Variants in SENP6 observed in about 807,000 individuals in gnomAD.
The protein encoded by SENP6 is SUMO specific peptidase 6.
Under a neutral mutation model 134.5 loss-of-function variants are expected in SENP6, and 41 were observed. That is an observed-to-expected ratio of 0.30 (90% confidence interval 0.24 to 0.40). The LOEUF is 0.40. Ranked by LOEUF, SENP6 falls within the 10% of genes least tolerant of loss-of-function variation. SENP6 has a pLI of 1.00. For missense variants in SENP6, 1,248 were observed against 1,312.5 expected, an observed-to-expected ratio of 0.95 and a Z score of 0.76; for synonymous variants, 395 against 429.8, an observed-to-expected ratio of 0.92 and a Z score of 1.00.
intron 1 of SENP6, among the ~76,000 whole-genome samples, chr6:75,614,245 A>G (rs1014140554): frequency 1.3e-5 from 2 of 151,082 alleles, no homozygotes; most frequent in Admixed American, 6.6e-5. Context: ...AGATTTTTCC[A>G]CAGAAAGTTA....
In SENP6 at chr6:75,715,516, A is replaced by G. The variant is rs1460875354; in HGVS notation, c.3261A>G (p.Arg1087=). ...KLQEDQSKEK[R]KHKDTYSTEA... ...AGGAAGATCAGAGCAAAGAGAAAAGAAAGCATAAGGACACTTACTCAACAG... is the reference window on the plus strand; with the variant it reads ...AGGAAGATCAGAGCAAAGAGAAAAGGAAGCATAAGGACACTTACTCAACAG... Residue 1087 remains arginine, a synonymous_variant, in exon 24 of 24, where the codon AGA becomes AGG. Coordinates refer to ENST00000447266, the MANE Select transcript of SENP6 (RefSeq NM_015571.4). The G allele has an allele frequency of 1.2e-6, 2 of 1,613,582 alleles. No individual in the cohort carries two copies. The highest frequency in any genetic ancestry group is 1.7e-6 in the Non-Finnish European group (2 of 1,179,596).
chr6:75,629,075 AT>A (rs1453283735), intron 3 of SENP6, among the ~76,000 whole-genome samples: 1 of 152,190 alleles, frequency 6.6e-6, no homozygotes, highest in Non-Finnish European at 1.5e-5. Flanking sequence ...GTAATCAAAC[AT>A]TTAAAAATTA....
intron 18 of SENP6, among the ~76,000 whole-genome samples, chr6:75,698,985 T>G (rs1421378619): frequency 2.1e-5 from 3 of 143,586 alleles, no homozygotes; most frequent in Non-Finnish European, 3.0e-5. Flanking sequence ...CACTCCAGCC[T>G]GGGCAGCAGA....
intron 9 of SENP6, among the ~76,000 whole-genome samples, chr6:75,666,187 T>G (rs1393372122): frequency 6.8e-6 from 1 of 146,078 alleles, no homozygotes; most frequent in Non-Finnish European, 1.5e-5. Context: ...ATATATGATA[T>G]ATATAAAACG....
rs755531015 is a variant in SENP6, at chr6:75,602,557, G to T, written c.33G>T (p.Gly11=). 16 of 1,551,482 alleles carry T rather than the reference G, an allele frequency of 1.0e-5. No homozygotes were observed. Among genetic ancestry groups the T allele is most frequent in the Non-Finnish European group, 5.2e-6 (6 of 1,146,946 alleles). MAAGKSGGSA[G]EITFLEALAR... The stretch of plus-strand genomic sequence containing the variant: ...CCGGCAAGAGCGGCGGTAGCGCAGG[G>T]GAGATTACTTTTCTGGAAGGTACGT... Residue 11 remains glycine, a synonymous_variant, in exon 1 of 24, where the codon GGG becomes GGT. Transcript: ENST00000447266.
intron 7 of SENP6, among the ~76,000 whole-genome samples, chr6:75,651,765 T>C (rs1304754548): frequency 1.3e-5 from 2 of 152,252 alleles, no homozygotes; most frequent in South Asian, 4.1e-4. Flanking sequence ...ATATTCATAC[T>C]GTATGTACTG....
intron 16 of SENP6, among the ~76,000 whole-genome samples, chr6:75,680,866 T>C (rs1773414046): frequency 2.0e-5 from 3 of 152,164 alleles, no homozygotes. Context: ...AACACCCTAC[T>C]ACCCACTGGA....
chr6:75,651,253 A>G (rs182373416), intron 7 of SENP6, among the ~76,000 whole-genome samples: 48 of 152,136 alleles, frequency 3.2e-4, no homozygotes, highest in African/African-American at 1.0e-3. Flanking sequence ...ACAGACATAT[A>G]TTGTCCCTGA....
At chr6:75,687,160 T>C (rs1773902122) in intron 16 of SENP6, among the ~76,000 whole-genome samples, 1 of 152,232 alleles carries the variant, frequency 6.6e-6, no homozygotes, top group Non-Finnish European at 1.5e-5. Context: ...CTTCAATCAC[T>C]GATACTCTTT....
In SENP6 at chr6:75,614,785, A is replaced by G. The variant is rs562179378; in HGVS notation, c.53-6747A>G. Reference sequence around the variant, plus strand: ...TATGTACTTGAATAGACTTGCTGATAGCTTATTGCTGGGGAGAAATTAGAT... The same window carrying G: ...TATGTACTTGAATAGACTTGCTGATGGCTTATTGCTGGGGAGAAATTAGAT... On this transcript the variant is annotated intron_variant, in intron 1 of 23. Coordinates refer to ENST00000447266, the MANE Select transcript of SENP6 (RefSeq NM_015571.4). Among the ~76,000 whole-genome samples the G allele has an allele frequency of 2.6e-5, 4 of 152,274 alleles. No homozygotes were observed. The South Asian group carries it at 6.2e-4, about 24-fold the overall frequency.
chr6:75,689,252 T>G (rs1049870417), intron 16 of SENP6, among the ~76,000 whole-genome samples: 1 of 152,052 alleles, frequency 6.6e-6, no homozygotes, highest in Non-Finnish European at 1.5e-5. Flanking sequence ...AAATAAAATC[T>G]TTATAGATAA....
intron 18 of SENP6, among the ~76,000 whole-genome samples, chr6:75,701,605 C>G (rs1775032164): frequency 6.8e-6 from 1 of 146,288 alleles, no homozygotes; most frequent in African/African-American, 2.5e-5. Context: ...ATCATATGAC[C>G]TAATTAGACT....
At chr6:75,663,935 T>C (rs1339917455) in intron 9 of SENP6, among the ~76,000 whole-genome samples, 2 of 152,062 alleles carry the variant, frequency 1.3e-5, no homozygotes, top group African/African-American at 4.8e-5. Context: ...TTTACTCTTA[T>C]GTGTATGTGT....
intron 16 of SENP6, among the ~76,000 whole-genome samples, chr6:75,686,415 T>C (rs1773845136): frequency 6.6e-6 from 1 of 152,236 alleles, no homozygotes; most frequent in Non-Finnish European, 1.5e-5. Context: ...AACATTGTTA[T>C]GTGTGAATTT....
In SENP6 at chr6:75,699,224, C is replaced by A. The variant is rs200039328; in HGVS notation, c.2288+1707C>A. 0.01 allele frequency among the ~76,000 whole-genome samples: 1,587 copies of A among 152,046 alleles called. 53 individuals are homozygous for A. The East Asian group carries it at 0.14, about 13-fold the overall frequency. ...CGCATCCCTCTTAGTCACTATACCT[C>A]TGCATGGAAGTTATTATCAGTGCTT... is the stretch of plus-strand genomic sequence containing the variant. On this transcript the variant is annotated intron_variant, in intron 18 of 23. Transcript: ENST00000447266.
intron 7 of SENP6, among the ~76,000 whole-genome samples, chr6:75,652,681 C>G (rs1171805706): frequency 1.6e-4 from 1 of 6,252 alleles, no homozygotes; most frequent in Non-Finnish European, 3.5e-4. Flanking sequence ...TACTAAAAAT[C>G]TCAAAAAAAA....
In SENP6 at chr6:75,624,002, CA is replaced by C. The variant is rs750860852; in HGVS notation, c.207+49del. ...ATATTTTCTTCTTTTACATTATATA[CA>C]AAAAAATTGTTACCTCAAAAGATTT... On this transcript the variant is annotated intron_variant, in intron 3 of 23. Coordinates refer to ENST00000447266, the MANE Select transcript of SENP6 (RefSeq NM_015571.4). 1.5e-5 allele frequency: 22 copies of C among 1,477,880 alleles called. No homozygotes were observed. In the East Asian group the frequency reaches 3.4e-4, roughly 23 times the overall value. The allele number at this position is 1,477,880 out of a possible 1,614,324, so 91.5% of individuals were successfully genotyped here. A position where few individuals can be genotyped will look rare whatever the true frequency, so the allele number is the denominator to read the frequency against.
At chr6:75,677,350 A>G in intron 14 of SENP6, 94 bp downstream of exon 14, 1 of 849,482 alleles carries the variant, frequency 1.2e-6, no homozygotes, top group South Asian at 2.3e-5. Context: ...TTCAGTGTTA[A>G]ATCTTTTTAA....
intron 3 of SENP6, among the ~76,000 whole-genome samples, chr6:75,624,521 C>T (rs1222184613): frequency 2.0e-5 from 3 of 151,904 alleles, no homozygotes; most frequent in African/African-American, 7.3e-5. Context: ...GATATCTGAA[C>T]GTATCTGTTT....
Sources: gnomAD v4.1 joint callset for allele counts (sites outside exome capture counted in the v4.1 genomes callset) on GRCh38, gnomAD v4.1.1 for gene constraint, MANE v1.5 for transcripts, NCBI Gene and HGNC (gene_info 2026-07-23, HGNC 2026-07-21) for gene names.